The following ZPBP variants were observed in gnomAD, a reference collection of about 807,000 sequenced individuals.
ZPBP encodes the protein zona pellucida-binding protein 1.
Under a neutral mutation model 44.8 loss-of-function variants are expected in ZPBP, and 26 were observed. That is an observed-to-expected ratio of 0.58 (90% CI 0.43 to 0.81). The LOEUF (loss-of-function observed/expected upper bound fraction) is 0.81. Ranked by LOEUF, ZPBP falls within the 30% of genes least tolerant of loss-of-function variation. The probability of loss-of-function intolerance (pLI) is 0.00; values close to 1 mark genes in which losing one functional copy is unlikely to be tolerated. For synonymous variants in ZPBP, 174 were observed against 153.2 expected (o/e 1.14, Z -1.00); for missense variants, 409 against 434.0 (o/e 0.94, Z 0.51).
At chr7:49,887,389 TGACA>T (rs1791947520) in intron 2 of ZPBP, among the ~76,000 whole-genome samples, 2 of 152,238 alleles carry the variant, frequency 1.3e-5, no homozygotes, top group African/African-American at 2.4e-5. Flanking sequence ...TCATCAAGAA[TGACA>T]GACAAAGATA....
chr7:50,001,370 C>T (rs1353804834), intron 6 of ZPBP, among the ~76,000 whole-genome samples: 1 of 152,122 alleles, frequency 6.6e-6, no homozygotes, highest in Non-Finnish European at 1.5e-5. Context: ...GAGACAAAAA[C>T]TTTAAACAAT....
intron 7 of ZPBP, among the ~76,000 whole-genome samples, chr7:49,949,496 A>C (rs1000012260): frequency 6.6e-6 from 1 of 152,148 alleles, no homozygotes; most frequent in African/African-American, 2.4e-5. Flanking sequence ...TGAATCTTAA[A>C]AATATTGTGC....
At chr7:49,902,061 T>G (rs1792776412) in intron 1 of ZPBP, among the ~76,000 whole-genome samples, 1 of 151,930 alleles carries the variant, frequency 6.6e-6, no homozygotes, top group South Asian at 2.1e-4. Context: ...TACCTACATG[T>G]AAATCATAGA....
chr7:50,076,975 A>T (rs988201882), intron 3 of ZPBP, among the ~76,000 whole-genome samples: 1 of 143,212 alleles, frequency 7.0e-6, no homozygotes, highest in African/African-American at 2.5e-5. Flanking sequence ...AACTGGAGGA[A>T]TCACATTATC....
rs770858056 is a variant in ZPBP at position 50,038,108 on chromosome 7, AT to A, written c.488-6799del. Among the ~76,000 whole-genome samples the A allele has an allele frequency of 2.0e-5, 3 of 152,062 alleles. No homozygotes were observed. The South Asian group carries it at 6.2e-4, about 32-fold the overall frequency. Reference sequence around the variant, plus strand: ...TCCACATCAGGACTATAAGCTGATGATACCTACGACTCCTGCTACCCCTACA... The same window carrying A: ...TCCACATCAGGACTATAAGCTGATGAACCTACGACTCCTGCTACCCCTACA... On this transcript the variant is annotated intron_variant, in intron 4 of 7. Transcript: ENST00000046087.
At chr7:49,957,239 A>G (rs1795642292) in intron 7 of ZPBP, among the ~76,000 whole-genome samples, 2 of 152,208 alleles carry the variant, frequency 1.3e-5, no homozygotes, top group Admixed American at 1.3e-4. Context: ...TATAAATTAC[A>G]AAGTCTCAGA....
chr7:49,982,655 C>T (rs1976042), intron 7 of ZPBP, among the ~76,000 whole-genome samples: 120,621 of 151,512 alleles, frequency 0.8, 48,183 homozygotes, highest in East Asian at 0.89. Flanking sequence ...TATCAAGGCT[C>T]AAGTATTCTC....
At chr7:49,929,981 G>T (rs73113245) in intron 1 of ZPBP, among the ~76,000 whole-genome samples, 2,801 of 152,236 alleles carry the variant, frequency 0.018, 34 homozygotes, top group Non-Finnish European at 0.029. Flanking sequence ...AAAAATGAAG[G>T]TATCACTTTC....
chr7:49,890,628 G>A (rs556696393), intron 2 of ZPBP, among the ~76,000 whole-genome samples: 2 of 151,960 alleles, frequency 1.3e-5, no homozygotes, highest in Non-Finnish European at 2.9e-5. Context: ...TCATCCCAAA[G>A]CTACTTTTAG....
chr7:49,870,256 TG>T (rs1199630330), intron 2 of ZPBP, among the ~76,000 whole-genome samples: 1 of 151,992 alleles, frequency 6.6e-6, no homozygotes, highest in Non-Finnish European at 1.5e-5. Flanking sequence ...AAAAATTAGC[TG>T]GGCATGGTGG....
chr7:50,040,106 A>G (rs999736774), intron 4 of ZPBP, among the ~76,000 whole-genome samples: 2 of 152,206 alleles, frequency 1.3e-5, no homozygotes, highest in Non-Finnish European at 2.9e-5. Context: ...ACAAAAAGTA[A>G]AATAGCAAAG....
intron 7 of ZPBP, among the ~76,000 whole-genome samples, chr7:49,940,933 A>T (rs932796582): frequency 6.6e-6 from 1 of 152,160 alleles, no homozygotes; most frequent in African/African-American, 2.4e-5. Flanking sequence ...CATAACATGT[A>T]AAGCCCAGAG....
At chr7:50,028,600 C>CA (rs796300136) in intron 5 of ZPBP, among the ~76,000 whole-genome samples, 2,171 of 149,846 alleles carry the variant, frequency 0.014, 59 homozygotes, top group African/African-American at 0.049. Flanking sequence ...TTCACACACA[C>CA]AAAAAAAACA....
chr7:50,064,311 G>A (rs1044869976), intron 3 of ZPBP, among the ~76,000 whole-genome samples: 1 of 152,134 alleles, frequency 6.6e-6, no homozygotes, highest in Non-Finnish European at 1.5e-5. Flanking sequence ...GGAGGCAGGG[G>A]GAGATCACAG....
At chr7:50,028,955 C>CCCCAAT (rs1198119311) in intron 5 of ZPBP, among the ~76,000 whole-genome samples, 2 of 152,082 alleles carry the variant, frequency 1.3e-5, no homozygotes, top group Non-Finnish European at 2.9e-5. Flanking sequence ...CCTATCAAAA[C>CCCCAAT]CCCAATGGTA....
At chr7:49,969,373 T>C (rs1796190405) in intron 7 of ZPBP, among the ~76,000 whole-genome samples, 1 of 150,868 alleles carries the variant, frequency 6.6e-6, no homozygotes, top group South Asian at 2.1e-4. Flanking sequence ...GAATTGACAA[T>C]TAAGAGAAAA....
intron 2 of ZPBP, among the ~76,000 whole-genome samples, chr7:50,086,797 C>T (rs1278019082): frequency 1.3e-5 from 2 of 151,612 alleles, no homozygotes; most frequent in African/African-American, 4.8e-5. Context: ...GCAAAAAATC[C>T]CAAATTTGAT....
At chr7:50,092,674 G>A (rs1397316490) in intron 1 of ZPBP, among the ~76,000 whole-genome samples, 2 of 152,148 alleles carry the variant, frequency 1.3e-5, no homozygotes, top group Non-Finnish European at 2.9e-5. Flanking sequence ...AATAGATGGC[G>A]CTCCACCATC....
At chr7:49,844,105 GGTGGATGAAT>G in the ZPBP span, among the ~76,000 whole-genome samples, 7 of 152,212 alleles carry the variant, frequency 4.6e-5, no homozygotes, top group African/African-American at 1.7e-4. Context: ...GATGGCAACA[GGTGGATGAAT>G]GTGTGATGTT....
Sources: gnomAD v4.1 joint callset for allele counts (sites outside exome capture counted in the v4.1 genomes callset) on GRCh38, gnomAD v4.1.1 for gene constraint, MANE v1.5 for transcripts, NCBI Gene and HGNC (gene_info 2026-07-23, HGNC 2026-07-21) for gene names.